RAD51B: variants seen among roughly 807,000 people sequenced by gnomAD.
The protein encoded by RAD51B is RAD51 paralog B, also known as DNA repair protein RAD51 homolog 2.
RAD51B carries 38 observed loss-of-function variants against 42.2 expected under a neutral mutation model. The observed-to-expected ratio is 0.90, with a 90% CI of 0.70 to 1.18. RAD51B has a LOEUF of 1.18. Among genes scored for constraint, RAD51B ranks in the 50% most tolerant of loss-of-function variants. RAD51B has a pLI of 0.00. For missense variants in RAD51B, 373 were observed against 400.7 expected (o/e 0.93, Z 0.59); for synonymous variants, 154 against 145.2 (o/e 1.06, Z -0.43).
chr14:68,205,074 G>A (rs2079559156), intron 7 of RAD51B, among the ~76,000 whole-genome samples: 1 of 152,148 alleles, frequency 6.6e-6, no homozygotes, highest in Non-Finnish European at 1.5e-5. Flanking sequence ...GAGACCATGA[G>A]TTATTTTGAT....
At chr14:68,342,106 C>A (rs914586820) in intron 8 of RAD51B, among the ~76,000 whole-genome samples, 1 of 152,204 alleles carries the variant, frequency 6.6e-6, no homozygotes, top group Non-Finnish European at 1.5e-5. Context: ...GACTCTATCA[C>A]ATGTTTATCT....
intron 7 of RAD51B, among the ~76,000 whole-genome samples, chr14:67,916,388 C>T (rs1332845693): frequency 6.6e-6 from 1 of 152,014 alleles, no homozygotes; most frequent in African/African-American, 2.4e-5. Context: ...ACTACAGGTG[C>T]ATGCCACCAC....
At chr14:67,950,166 G>A (rs1034079178) in intron 7 of RAD51B, among the ~76,000 whole-genome samples, 1 of 152,028 alleles carries the variant, frequency 6.6e-6, no homozygotes, top group Admixed American at 6.6e-5. Flanking sequence ...TTGAAACCAG[G>A]CACTGACTTC....
intron 7 of RAD51B, among the ~76,000 whole-genome samples, chr14:68,066,020 A>T (rs1041331527): frequency 5.1e-5 from 7 of 137,340 alleles, no homozygotes; most frequent in South Asian, 2.2e-4. Context: ...GGGAATAATT[A>T]TATGTATATA....
chr14:68,648,144 TATAC>T (rs1892620468), intron 10 of RAD51B, among the ~76,000 whole-genome samples: 1 of 118,876 alleles, frequency 8.4e-6, no homozygotes. Context: ...TATATATATA[TATAC>T]ACACACGTAT....
chr14:67,975,453 C>A (rs1426136118), intron 7 of RAD51B, among the ~76,000 whole-genome samples: 5 of 152,198 alleles, frequency 3.3e-5, no homozygotes, highest in South Asian at 4.1e-4. Flanking sequence ...AACCATAAAC[C>A]TTAACAGATA....
At chr14:68,197,559 T>C (rs1321155769) in intron 7 of RAD51B, among the ~76,000 whole-genome samples, 1 of 152,164 alleles carries the variant, frequency 6.6e-6, no homozygotes. Context: ...AACTCTAAAA[T>C]AAAGTGCCAA....
downstream of RAD51B, among the ~76,000 whole-genome samples, chr14:68,599,873 C>G (rs1287403668): frequency 6.6e-6 from 1 of 152,232 alleles, no homozygotes; most frequent in Non-Finnish European, 1.5e-5. Context: ...TCCCCAGGGG[C>G]TCCCGAAAGA....
chr14:67,865,146 GATTTT>G lies in RAD51B; in HGVS notation c.452+13_452+17del. Reference sequence around the variant, plus strand: ...CTGCATTTAGTGCTGAAAGGTATGAGATTTTATTTTCTATTATAATGTTTTACTTT... The same window carrying G: ...CTGCATTTAGTGCTGAAAGGTATGAGATTTTCTATTATAATGTTTTACTTT... On this transcript the variant is annotated splice_region_variant and intron_variant, in intron 5 of 10. Coordinates refer to ENST00000471583, the MANE Select transcript of RAD51B (RefSeq NM_133510.4). 1 of 1,584,692 alleles carries G rather than the reference GATTTT, an allele frequency of 6.3e-7. No homozygotes were observed. Among genetic ancestry groups the G allele is most frequent in the Non-Finnish European group, 8.6e-7 (1 of 1,167,924 alleles).
intron 8 of RAD51B, among the ~76,000 whole-genome samples, chr14:68,351,934 G>T (rs948635535): frequency 9.2e-5 from 14 of 152,282 alleles, no homozygotes; most frequent in African/African-American, 3.4e-4. Flanking sequence ...TGTCCATGGG[G>T]GATATTCTGG....
At chr14:68,681,736 T>C (rs1449985477) in intron 11 of RAD51B, among the ~76,000 whole-genome samples, 1 of 152,210 alleles carries the variant, frequency 6.6e-6, no homozygotes, top group African/African-American at 2.4e-5. Context: ...CTCCCTCCTG[T>C]TCATCAGTAG....
At chr14:67,954,784 A>T (rs2074516393) in intron 7 of RAD51B, among the ~76,000 whole-genome samples, 1 of 152,186 alleles carries the variant, frequency 6.6e-6, no homozygotes, top group Non-Finnish European at 1.5e-5. Context: ...AAGTAAGCAT[A>T]TTTGTAGGCA....
intron 11 of RAD51B, among the ~76,000 whole-genome samples, chr14:68,656,695 G>A (rs1379641361): frequency 6.6e-6 from 1 of 152,160 alleles, no homozygotes; most frequent in Non-Finnish European, 1.5e-5. Flanking sequence ...CTGGGCGGGT[G>A]ACTGAGTTAG....
At chr14:68,652,968 A>C (rs945769592) in intron 11 of RAD51B, among the ~76,000 whole-genome samples, 1 of 152,266 alleles carries the variant, frequency 6.6e-6, no homozygotes, top group African/African-American at 2.4e-5. Context: ...ATGTGTGTTC[A>C]TACCTAACTT....
chr14:68,535,175 G>A (rs1887544145), intron 10 of RAD51B, among the ~76,000 whole-genome samples: 1 of 152,128 alleles, frequency 6.6e-6, no homozygotes, highest in Non-Finnish European at 1.5e-5. Context: ...AGAAGCCCAG[G>A]TAATGGTAAA....
At chr14:68,500,600 G>T (rs535970402) in intron 10 of RAD51B, among the ~76,000 whole-genome samples, 1 of 152,366 alleles carries the variant, frequency 6.6e-6, no homozygotes, top group South Asian at 2.1e-4. Flanking sequence ...TGAAATGAAG[G>T]TTGCTGAGAT....
chr14:68,650,138 C>T (rs144289121), intron 10 of RAD51B, among the ~76,000 whole-genome samples: 27 of 152,256 alleles, frequency 1.8e-4, no homozygotes, highest in East Asian at 5.8e-4. Flanking sequence ...GTTTGACCAC[C>T]GAAAGATTTT....
chr14:67,887,791 C>T (rs752438590), intron 7 of RAD51B, among the ~76,000 whole-genome samples: 7 of 152,090 alleles, frequency 4.6e-5, no homozygotes, highest in Admixed American at 2.6e-4. Context: ...CTTTTTGTAG[C>T]GGGCATTGTG....
intron 8 of RAD51B, among the ~76,000 whole-genome samples, chr14:68,395,957 A>C (rs1225167139): frequency 1.3e-5 from 2 of 152,218 alleles, no homozygotes; most frequent in African/African-American, 2.4e-5. Context: ...ATGAAAACTT[A>C]TGGGTTATCC....
Sources: allele counts gnomAD v4.1 joint callset (sites outside exome capture counted in the v4.1 genomes callset), GRCh38; gene constraint gnomAD v4.1.1; transcripts MANE v1.5; gene names NCBI Gene and HGNC (gene_info 2026-07-23, HGNC 2026-07-21).